C12orf56: variants seen among roughly 807,000 people sequenced by gnomAD.
C12orf56 encodes the protein uncharacterized protein C12orf56.
A neutral mutation model predicts 69.9 loss-of-function variants in C12orf56; 71 were observed. The observed-to-expected ratio is 1.02, with a 90% CI of 0.84 to 1.24. The LOEUF is 1.24. Among genes scored for constraint, C12orf56 ranks in the 50% most tolerant of loss-of-function variants. C12orf56 has a pLI of 0.00. For synonymous variants in C12orf56, 276 were observed against 274.1 expected, an observed-to-expected ratio of 1.01 and a Z score of -0.07; for missense variants, 732 against 738.5, an observed-to-expected ratio of 0.99 and a Z score of 0.10.
intron 1 of C12orf56, among the ~76,000 whole-genome samples, chr12:64,386,476 A>G (rs1458029085): frequency 6.6e-6 from 1 of 150,822 alleles, no homozygotes; most frequent in East Asian, 2.0e-4. Flanking sequence ...GGCTCACCGC[A>G]ACCTCCGCCT....
chr12:64,318,610 G>A lies in C12orf56; in HGVS notation c.859C>T (p.Leu287=), dbSNP rs2038721126. Reference sequence around the variant, plus strand: ...TTGTTCCATGAACTTTTTAAGTGCAGAAATATTGATGAGGTTGTGGAAATA... The same window carrying A: ...TTGTTCCATGAACTTTTTAAGTGCAAAAATATTGATGAGGTTGTGGAAATA... ...YVISTTSSIF[L]HLKSSWNNYI... The change falls in exon 4 of 13, where the codon CTG becomes TTG. Residue 287 remains leucine, a synonymous_variant. Transcript: ENST00000543942. 2 of 1,536,318 alleles carry A rather than the reference G, an allele frequency of 1.3e-6. No homozygotes were observed. The highest frequency in any genetic ancestry group is 2.0e-5 in the Admixed American group (1 of 50,916).
chr12:64,298,587 T>A (rs1334559336), intron 6 of C12orf56, among the ~76,000 whole-genome samples: 1 of 152,142 alleles, frequency 6.6e-6, no homozygotes, highest in Admixed American at 6.6e-5. Flanking sequence ...CCAGTTTCAG[T>A]TTTCTGCATA....
At chr12:64,381,469 C>T (rs2135985326) in intron 1 of C12orf56, among the ~76,000 whole-genome samples, 1 of 152,244 alleles carries the variant, frequency 6.6e-6, no homozygotes, top group Non-Finnish European at 1.5e-5. Context: ...AGTTCTTAGG[C>T]AAGAAGCATG....
At chr12:64,273,119 C>T (rs1351074130) in intron 11 of C12orf56, among the ~76,000 whole-genome samples, 1 of 152,058 alleles carries the variant, frequency 6.6e-6, no homozygotes, top group African/African-American at 2.4e-5. Flanking sequence ...CATGGCGAAA[C>T]CCCGTCTGTA....
In C12orf56 at chr12:64,285,958, G is replaced by A; in HGVS notation, c.1216C>T (p.Leu406=). The A allele has an allele frequency of 6.3e-7, 1 of 1,584,652 alleles. No homozygotes were observed. The highest frequency in any genetic ancestry group is 1.1e-5 in the South Asian group (1 of 87,600). ...LQNQSQRVDE[L]VACIEIIQTL... ...GATTATCTAGTTAGTACTTACACCAGCTCATCAACCCTTTGGCTTTGATTT... is the reference window on the plus strand; with the variant it reads ...GATTATCTAGTTAGTACTTACACCAACTCATCAACCCTTTGGCTTTGATTT... Residue 406 remains leucine, a synonymous_variant, in exon 7 of 13, where the codon CTG becomes TTG. Transcript: ENST00000543942.
chr12:64,386,300 G>A (rs1218626395), intron 1 of C12orf56, among the ~76,000 whole-genome samples: 2 of 151,358 alleles, frequency 1.3e-5, no homozygotes, highest in East Asian at 1.9e-4. Context: ...TGCAACTTCC[G>A]CCTCCCGGGT....
In C12orf56 at chr12:64,338,480, C is replaced by T. The variant is rs1037656315; in HGVS notation, c.416-7448G>A. 1.2e-5 allele frequency: 11 copies of T among 928,442 alleles called. No individual in the cohort carries two copies. The African/African-American group carries it at 1.3e-4, about 11-fold the overall frequency. 57.5% of individuals were successfully genotyped at this position (928,442 alleles called of 1,614,324 possible). ...CAGAGGGAAATCTTATTTCCTGCAA[C>T]AAACAATCATTCAGGGCTCCAGCAA... On this transcript the variant is annotated intron_variant, in intron 2 of 12. Coordinates refer to ENST00000543942, the MANE Select transcript of C12orf56 (RefSeq NM_001170633.2).
Position 64,294,831 on chromosome 12 carries a change from A to G in C12orf56, c.1114-8771T>C, listed in dbSNP as rs547675202. Among the ~76,000 whole-genome samples the G allele has an allele frequency of 5.3e-5, 8 of 152,206 alleles. No homozygotes were observed. The South Asian group carries it at 1.7e-3, about 32-fold the overall frequency. On this transcript the variant is annotated intron_variant, in intron 6 of 12. Transcript: ENST00000543942. Reference sequence around the variant, plus strand: ...AATGTATGCTTAAAAATGATTAAGGAAGTAAATTTTGTGTTATGTATATTT... The same window carrying G: ...AATGTATGCTTAAAAATGATTAAGGGAGTAAATTTTGTGTTATGTATATTT...
At chr12:64,386,248 C>G (rs886626790) in intron 1 of C12orf56, among the ~76,000 whole-genome samples, 3 of 151,876 alleles carry the variant, frequency 2.0e-5, no homozygotes, top group Non-Finnish European at 4.4e-5. Context: ...GAGTCTCACT[C>G]TGTTGCCCAG....
At chr12:64,371,753 C>A (rs1294994782) in intron 1 of C12orf56, among the ~76,000 whole-genome samples, 1 of 151,960 alleles carries the variant, frequency 6.6e-6, no homozygotes, top group Non-Finnish European at 1.5e-5. Flanking sequence ...TTGCTTGAAT[C>A]CAGGAGGTAG....
chr12:64,387,661 A>C (rs1315671306), intron 1 of C12orf56, among the ~76,000 whole-genome samples: 1 of 151,970 alleles, frequency 6.6e-6, no homozygotes. Flanking sequence ...AAAATACGAA[A>C]ACTAGCCAGG....
intron 5 of C12orf56, 83 bp downstream of exon 5, chr12:64,312,596 G>A (rs1433218211): frequency 9.9e-7 from 1 of 1,010,784 alleles, no homozygotes; most frequent in East Asian, 2.6e-5. Context: ...GAAACAGAGT[G>A]AGACTCAGTT....
chr12:64,342,885 A>G (rs932514280), intron 2 of C12orf56, among the ~76,000 whole-genome samples: 1 of 152,204 alleles, frequency 6.6e-6, no homozygotes, highest in Non-Finnish European at 1.5e-5. Flanking sequence ...CAGCATCTCT[A>G]TCTGTGACTG....
At chr12:64,296,661 A>C (rs143564302) in intron 6 of C12orf56, among the ~76,000 whole-genome samples, 5 of 152,328 alleles carry the variant, frequency 3.3e-5, no homozygotes, top group Non-Finnish European at 7.4e-5. Context: ...AAAAGACATG[A>C]ATTTTTGGGG....
chr12:64,297,236 A>AT (rs915267545), intron 6 of C12orf56, among the ~76,000 whole-genome samples: 1 of 152,202 alleles, frequency 6.6e-6, no homozygotes, highest in Non-Finnish European at 1.5e-5. Context: ...ATATATGCTA[A>AT]TTTTGTGAAA....
intron 5 of C12orf56, among the ~76,000 whole-genome samples, chr12:64,307,578 AG>A (rs1311868975): frequency 6.6e-6 from 1 of 152,064 alleles, no homozygotes; most frequent in Non-Finnish European, 1.5e-5. Context: ...CATGTTGGCC[AG>A]GCTGGTCTTG....
At chr12:64,270,447 T>C in intron 12 of C12orf56, 89 bp downstream of exon 12, 1 of 1,098,860 alleles carries the variant, frequency 9.1e-7, no homozygotes, top group Non-Finnish European at 1.3e-6. Context: ...ATACCTAATC[T>C]TCTAAATATT....
Position 64,266,517 on chromosome 12 carries a change from G to T in C12orf56, c.*666C>A. On this transcript the variant is annotated 3_prime_UTR_variant, in exon 13 of 13. Coordinates refer to ENST00000543942, the MANE Select transcript of C12orf56 (RefSeq NM_001170633.2). ...TCTTGAGTGAGTGACCTTAGGCCCA[G>T]ACCAAGCTGTAATTCCAGAAGTGGC... The T allele has an allele frequency of 3.7e-6, 1 of 270,176 alleles. No individual in the cohort carries two copies. Among genetic ancestry groups the T allele is most frequent in the South Asian group, 7.8e-5 (1 of 12,778 alleles). 16.7% of individuals were successfully genotyped at this position (270,176 alleles called of 1,614,324 possible).
rs970278425 is a variant in C12orf56, at chr12:64,324,621, A to C, written c.489-5641T>G. ...GAAGCTGGAGCGGTAGGCAACGGCC[A>C]GTTCTTGCTGGGATGTCTAGACGTG... On this transcript the variant is annotated intron_variant, in intron 3 of 12. Coordinates refer to ENST00000543942, the MANE Select transcript of C12orf56 (RefSeq NM_001170633.2). Among the ~76,000 whole-genome samples the C allele has an allele frequency of 8.5e-5, 13 of 152,374 alleles. 1 individual carries two copies. Among genetic ancestry groups the C allele is most frequent in the South Asian group, 8.3e-4 (4 of 4,830 alleles).
Sources: gnomAD v4.1 joint callset for allele counts (sites outside exome capture counted in the v4.1 genomes callset) on GRCh38, gnomAD v4.1.1 for gene constraint, MANE v1.5 for transcripts, NCBI Gene and HGNC (gene_info 2026-07-23, HGNC 2026-07-21) for gene names.